SEMG2: variants seen among roughly 807,000 people sequenced by gnomAD.
SEMG2 encodes the protein semenogelin-2.
A neutral mutation model predicts 8.1 loss-of-function variants in SEMG2; 3 were observed. The ratio of observed to expected loss-of-function variants is 0.37; its 90% CI spans 0.17 to 0.96. The LOEUF (loss-of-function observed/expected upper bound fraction) is 0.96. SEMG2 is among the 40% of genes least tolerant of loss of function. The probability of loss-of-function intolerance (pLI) is 0.41; values close to 1 mark genes in which losing one functional copy is unlikely to be tolerated. For missense variants in SEMG2, 726 were observed against 671.2 expected, an observed-to-expected ratio of 1.08 and a Z score of -0.90; for synonymous variants, 252 against 231.4, an observed-to-expected ratio of 1.09 and a Z score of -0.81.
In SEMG2 at chr20:45,221,985, A is replaced by G. The variant is rs1398458684; in HGVS notation, c.353A>G (p.Lys118Arg). The G allele has an allele frequency of 1.9e-6, 3 of 1,614,050 alleles. No homozygotes were observed. The highest frequency in any genetic ancestry group is 1.3e-5 in the African/African-American group (1 of 75,060). The change falls in exon 2 of 3, where the codon AAA becomes AGA. Residue 118 changes from lysine to arginine, a missense_variant. Physicochemically the swap from Lys to Arg is conservative, Grantham distance 26. Coordinates refer to ENST00000372769, the MANE Select transcript of SEMG2 (RefSeq NM_003008.3). Reference protein sequence around the residue: ...NYKQEGRDHDKSKGHFHMIVI... With the variant: ...NYKQEGRDHDRSKGHFHMIVI... Reference sequence around the variant, plus strand: ...AAACAAGAAGGCAGAGACCATGATAAATCAAAAGGTCATTTTCACATGATA... The same window carrying G: ...AAACAAGAAGGCAGAGACCATGATAGATCAAAAGGTCATTTTCACATGATA...
In SEMG2 at chr20:45,223,490, C is replaced by T. The variant is rs1984075579; in HGVS notation, c.*44+65C>T. The T allele has an allele frequency of 9.0e-6, 6 of 664,654 alleles. No homozygotes were observed. In the South Asian group the frequency reaches 9.7e-5, roughly 11 times the overall value. The allele number at this position is 664,654 out of a possible 1,614,324, so 41.2% of individuals were successfully genotyped here. Reference sequence around the variant, plus strand: ...CCCAAAGTTGGGGACTCTCCAGGAACATGGTAGGACTGATAACCATTGTTC... The same window carrying T: ...CCCAAAGTTGGGGACTCTCCAGGAATATGGTAGGACTGATAACCATTGTTC... On this transcript the variant is annotated intron_variant, in intron 2 of 2. Transcript: ENST00000372769.
Position 45,223,346 on chromosome 20 carries a change from C to T in SEMG2, c.1714C>T (p.Gln572Ter). The T allele has an allele frequency of 6.2e-7, 1 of 1,613,432 alleles. No homozygotes were observed. Among genetic ancestry groups the T allele is most frequent in the Non-Finnish European group, 8.5e-7 (1 of 1,179,568 alleles). The change falls in exon 2 of 3, where the codon CAA becomes TAA. Residue 572 changes from glutamine (Q) to a stop codon, truncating the protein, a stop_gained. Coordinates refer to ENST00000372769, the MANE Select transcript of SEMG2 (RefSeq NM_003008.3). LOFTEE classifies it low-confidence loss of function (END_TRUNC). ...TGCCCAAGATGATCATTTGACACAA[C>T]AATATAATGAAGACAGAAATCCAAT... ...EVAQDDHLTQ[Q>*]YNEDRNPIST
chr20:45,223,395 C>A lies in SEMG2; in HGVS notation c.*14C>A. ...ATATCTACATAGCCCTGTTGCTTAG[C>A]AACCACTTGAAAAGCTGGACCAATA... On this transcript the variant is annotated 3_prime_UTR_variant, in exon 2 of 3. Transcript: ENST00000372769. 6.4e-7 allele frequency: 1 copy of A among 1,567,158 alleles called. No homozygotes were observed. Among genetic ancestry groups the A allele is most frequent in the Non-Finnish European group, 8.7e-7 (1 of 1,146,914 alleles).
chr20:45,222,889 C>G lies in SEMG2; in HGVS notation c.1257C>G (p.Asn419Lys), dbSNP rs1023433503. The G allele has an allele frequency of 1.2e-6, 2 of 1,613,508 alleles. No individual in the cohort carries two copies. Among genetic ancestry groups the G allele is most frequent in the Middle Eastern group, 1.7e-4 (1 of 6,060 alleles). The stretch of plus-strand genomic sequence containing the variant: ...CGAGTACAGAAGAAAGACGTCTCAA[C>G]AGTGGAGAAAAGGATGTACAGAAAG... ...QSSSTEERRL[N>K]SGEKDVQKGV... The change falls in exon 2 of 3, where the codon AAC becomes AAG. Residue 419 changes from asparagine to lysine, a missense_variant. Transcript: ENST00000372769.
chr20:45,221,571 G>A (rs1250793051), intron 1 of SEMG2, 106 bp downstream of exon 1: 6 of 1,419,724 alleles, frequency 4.2e-6, no homozygotes, highest in Middle Eastern at 1.8e-4. Context: ...TCTTCTCCTT[G>A]ATGAGAATTG....
At chr20:45,223,956 C>T (rs2145592779) in intron 2 of SEMG2, among the ~76,000 whole-genome samples, 1 of 152,198 alleles carries the variant, frequency 6.6e-6, no homozygotes, top group South Asian at 2.1e-4. Flanking sequence ...AAGAAGGATT[C>T]CTGTTCAGAT....
In SEMG2 at chr20:45,222,962, G is replaced by A; in HGVS notation, c.1330G>A (p.Gly444Ser). 6.2e-7 allele frequency: 1 copy of A among 1,613,828 alleles called. No individual in the cohort carries two copies. The highest frequency in any genetic ancestry group is 1.1e-5 in the South Asian group (1 of 91,074). Residue 444 changes from glycine to serine, a missense_variant, in exon 2 of 3, where the codon GGC (glycine) becomes AGC (serine). Physicochemically the swap from Gly to Ser is moderately conservative, Grantham distance 56. Transcript: ENST00000372769. ...TATCCAAACTGAAGAGAAAATACATGGCAAGTCTCAAAACCAGGTAACAAT... is the reference window on the plus strand; with the variant it reads ...TATCCAAACTGAAGAGAAAATACATAGCAAGTCTCAAAACCAGGTAACAAT... ...ISIQTEEKIH[G>S]KSQNQVTIPS...
chr20:45,221,448 C>G lies in SEMG2; in HGVS notation c.59C>G (p.Ala20Gly), dbSNP rs374965635. 249 of 1,614,036 alleles carry G rather than the reference C, an allele frequency of 1.5e-4. 1 individual carries two copies. The highest frequency in any genetic ancestry group is 5.6e-4 in the South Asian group (51 of 91,090). The change falls in exon 1 of 3, where the codon GCT becomes GGT. Residue 20 changes from alanine (A) to glycine (G), a missense_variant. By Grantham distance (60) the Ala-to-Gly change is moderately conservative. Transcript: ENST00000372769. Reference sequence around the variant, plus strand: ...CTCCTTATCTTGGAGAAGCAAGCAGCTGTGATGGGACAAAAAGGTGAGTGG... The same window carrying G: ...CTCCTTATCTTGGAGAAGCAAGCAGGTGTGATGGGACAAAAAGGTGAGTGG... Reference protein sequence around the residue: ...SLLLILEKQAAVMGQKGGSKG... With the variant: ...SLLLILEKQAGVMGQKGGSKG...
At position 45,222,561 on chromosome 20, in the gene SEMG2, C is replaced by G. The variant is rs929540146; in HGVS notation, c.929C>G (p.Ser310Cys). 6 of 1,614,088 alleles carry G rather than the reference C, an allele frequency of 3.7e-6. No homozygotes were observed. Among genetic ancestry groups the G allele is most frequent in the Non-Finnish European group, 5.1e-6 (6 of 1,180,012 alleles). ...HGEKSVQKDV[S>C]KGSISIQTEE... ...GAAAAGAGTGTACAGAAAGATGTATCCAAAGGCAGCATTTCTATCCAAACT... is the reference window on the plus strand; with the variant it reads ...GAAAAGAGTGTACAGAAAGATGTATGCAAAGGCAGCATTTCTATCCAAACT... Residue 310 changes from serine (S) to cysteine (C), a missense_variant, in exon 2 of 3, where the codon TCC becomes TGC. Physicochemically the swap from Ser to Cys is moderately radical, Grantham distance 112. Transcript: ENST00000372769.
At position 45,223,009 on chromosome 20, in the gene SEMG2, T is replaced by C. The variant is rs1984060310; in HGVS notation, c.1377T>C (p.His459=). The stretch of plus-strand genomic sequence containing the variant: ...CAATTCCTAGTCAAGATCAAGAGCA[T>C]GGCCATAAGGAAAATAAAATGTCAT... ...QVTIPSQDQE[H]GHKENKMSYQ... The change falls in exon 2 of 3, where the codon CAT becomes CAC. Residue 459 remains histidine, a synonymous_variant. Coordinates refer to ENST00000372769, the MANE Select transcript of SEMG2 (RefSeq NM_003008.3). The C allele has an allele frequency of 6.2e-7, 1 of 1,614,116 alleles. No individual in the cohort carries two copies. Among genetic ancestry groups the C allele is most frequent in the Non-Finnish European group, 8.5e-7 (1 of 1,180,000 alleles).
chr20:45,221,544 C>T, intron 1 of SEMG2, 79 bp downstream of exon 1: 2 of 1,511,376 alleles, frequency 1.3e-6, no homozygotes, highest in Non-Finnish European at 1.8e-6. Context: ...CAAACAGTAA[C>T]CTGTTCAGGC....
Position 45,222,786 on chromosome 20 carries a change from A to G in SEMG2, c.1154A>G (p.Lys385Arg). Residue 385 changes from lysine (K) to arginine (R), a missense_variant, in exon 2 of 3, where the codon AAG (lysine) becomes AGG (arginine). Physicochemically the swap from Lys to Arg is conservative, Grantham distance 26 (BLOSUM62 2). Transcript: ENST00000372769. ...CAAACTGAAGAGCAAATACATGGCA[A>G]GTCTCAAAACCAGGTAAGAATTCCT... ...SIQTEEQIHGKSQNQVRIPSQ... is the reference protein window; with the variant it reads ...SIQTEEQIHGRSQNQVRIPSQ... The G allele has an allele frequency of 6.2e-7, 1 of 1,614,206 alleles. No individual in the cohort carries two copies. The highest frequency in any genetic ancestry group is 8.5e-7 in the Non-Finnish European group (1 of 1,180,016).
rs145982740 is a variant in SEMG2, at chr20:45,221,424, T to C, written c.35T>C (p.Leu12Pro). 23 of 1,614,010 alleles carry C rather than the reference T, an allele frequency of 1.4e-5. No homozygotes were observed. Among genetic ancestry groups the C allele is most frequent in the Non-Finnish European group, 1.8e-5 (21 of 1,180,004 alleles). Residue 12 changes from leucine (L) to proline (P), a missense_variant, in exon 1 of 3, where the codon CTC (leucine) becomes CCC (proline). Transcript: ENST00000372769. ...ATCATCCTCTTTGTCCTTTCCCTGCTCCTTATCTTGGAGAAGCAAGCAGCT... is the reference window on the plus strand; with the variant it reads ...ATCATCCTCTTTGTCCTTTCCCTGCCCCTTATCTTGGAGAAGCAAGCAGCT... ...KSIILFVLSLLLILEKQAAVM... is the reference protein window; with the variant it reads ...KSIILFVLSLPLILEKQAAVM...
At position 45,222,971 on chromosome 20, in the gene SEMG2, C is replaced by T. The variant is rs748122142; in HGVS notation, c.1339C>T (p.Gln447Ter). The T allele has an allele frequency of 1.9e-6, 3 of 1,614,046 alleles. No homozygotes were observed. In the East Asian group the frequency reaches 6.7e-5, roughly 36 times the overall value. Residue 447 changes from glutamine (Q) to a stop codon, truncating the protein, a stop_gained, in exon 2 of 3, where the codon CAA becomes TAA. Transcript: ENST00000372769. LOFTEE classifies it low-confidence loss of function (END_TRUNC). ...TGAAGAGAAAATACATGGCAAGTCT[C>T]AAAACCAGGTAACAATTCCTAGTCA... ...QTEEKIHGKS[Q>*]NQVTIPSQDQ...
rs776480040 is a variant in SEMG2, at chr20:45,222,395, A to C, written c.763A>C (p.Thr255Pro). Residue 255 changes from threonine to proline, a missense_variant, in exon 2 of 3, where the codon ACT (threonine) becomes CCT (proline). Coordinates refer to ENST00000372769, the MANE Select transcript of SEMG2 (RefSeq NM_003008.3). Reference sequence around the variant, plus strand: ...CCAACATGGACCCAAAGACATTTTTACTACCCAAGATGAGCTCCTAGTATA... The same window carrying C: ...CCAACATGGACCCAAAGACATTTTTCCTACCCAAGATGAGCTCCTAGTATA... ...RLQHGPKDIF[T>P]TQDELLVYNK... 1.2e-5 allele frequency: 19 copies of C among 1,614,028 alleles called. No homozygotes were observed. The Admixed American group carries it at 3.2e-4, about 27-fold the overall frequency.
rs1984045024 is a variant in SEMG2 at position 45,222,531 on chromosome 20, A to T, written c.899A>T (p.His300Leu). ...CGTACAGAAGAAAGACAACTTCACC[A>T]TGGAGAAAAGAGTGTACAGAAAGAT... ...SSRTEERQLH[H>L]GEKSVQKDVS... The change falls in exon 2 of 3, where the codon CAT (histidine) becomes CTT (leucine). Residue 300 changes from histidine (H) to leucine (L), a missense_variant. Physicochemically the swap from His to Leu is moderately conservative, Grantham distance 99. Transcript: ENST00000372769. The T allele has an allele frequency of 6.2e-7, 1 of 1,613,930 alleles. No homozygotes were observed. The highest frequency in any genetic ancestry group is 1.3e-5 in the African/African-American group (1 of 74,896).
At position 45,222,152 on chromosome 20, in the gene SEMG2, G is replaced by C; in HGVS notation, c.520G>C (p.Glu174Gln). 2 of 1,614,128 alleles carry C rather than the reference G, an allele frequency of 1.2e-6. No individual in the cohort carries two copies. Among genetic ancestry groups the C allele is most frequent in the Non-Finnish European group, 1.7e-6 (2 of 1,179,984 alleles). The change falls in exon 2 of 3, where the codon GAA becomes CAA. Residue 174 changes from glutamate (E) to glutamine (Q), a missense_variant. Physicochemically the swap from Glu to Gln is conservative, Grantham distance 29. Coordinates refer to ENST00000372769, the MANE Select transcript of SEMG2 (RefSeq NM_003008.3). ...GCTATGGGTTCATGGACTAAGTAAA[G>C]AACAAGCTTCAGCCTCTGGTGCACA... The part of the protein sequence containing the change: ...KRLWVHGLSK[E>Q]QASASGAQKG...
At position 45,222,506 on chromosome 20, in the gene SEMG2, C is replaced by G. The variant is rs140069155; in HGVS notation, c.874C>G (p.Arg292Gly). The stretch of plus-strand genomic sequence containing the variant: ...ACATAAAATATCATACCCGTCTTCA[C>G]GTACAGAAGAAAGACAACTTCACCA... ...KAHKISYPSS[R>G]TEERQLHHGE... Residue 292 changes from arginine to glycine, a missense_variant, in exon 2 of 3, where the codon CGT becomes GGT. Coordinates refer to ENST00000372769, the MANE Select transcript of SEMG2 (RefSeq NM_003008.3). The G allele has an allele frequency of 5.0e-6, 8 of 1,613,494 alleles. No individual in the cohort carries two copies. The Admixed American group carries it at 6.7e-5, about 13-fold the overall frequency.
At chr20:45,221,534 C>A in intron 1 of SEMG2, 69 bp downstream of exon 1, 1 of 1,554,046 alleles carries the variant, frequency 6.4e-7, no homozygotes, top group Non-Finnish European at 8.8e-7. Context: ...ATTCAGGGTG[C>A]AAACAGTAAC....
Sources: gnomAD v4.1 joint callset for allele counts (sites outside exome capture counted in the v4.1 genomes callset) on GRCh38, gnomAD v4.1.1 for gene constraint, MANE v1.5 for transcripts, NCBI Gene and HGNC (gene_info 2026-07-23, HGNC 2026-07-21) for gene names.